Variants in PKN3 observed in about 807,000 individuals in gnomAD.
PKN3 encodes the protein protein kinase N3.
PKN3 carries 91 observed loss-of-function variants against 113.1 expected under a neutral mutation model. That is an observed-to-expected ratio of 0.80 (90% CI 0.68 to 0.96). The LOEUF (loss-of-function observed/expected upper bound fraction) is 0.96, where lower values mean the gene tolerates loss of function less well. Among genes scored for constraint, PKN3 ranks in the 40% least tolerant of loss-of-function variants. The probability of loss-of-function intolerance (pLI) is 0.00; values close to 1 mark genes in which losing one functional copy is unlikely to be tolerated. For synonymous variants in PKN3, 467 were observed against 499.0 expected, an observed-to-expected ratio of 0.94 and a Z score of 0.85; for missense variants, 1,052 against 1,202.2, an observed-to-expected ratio of 0.88 and a Z score of 1.85.
At chr9:128,714,700 G>C (rs778274082) in intron 12 of PKN3, 36 bp downstream of exon 12, 2 of 1,350,212 alleles carry the variant, frequency 1.5e-6, no homozygotes, top group Non-Finnish European at 1.1e-6. Flanking sequence ...TCCTAGGGCC[G>C]GCTGGGGCTG....
Position 128,718,203 on chromosome 9 carries a change from A to G in PKN3, c.1986-122A>G, listed in dbSNP as rs1305066061. ...TCAGCATGATGCTTGTCCCAGTCTC[A>G]CTCATCTCTGACTCTGGCCGGGACA... On this transcript the variant is annotated intron_variant, in intron 16 of 21. Transcript: ENST00000291906. 10 of 766,308 alleles carry G rather than the reference A, an allele frequency of 1.3e-5. No homozygotes were observed. In the East Asian group the frequency reaches 1.5e-4, roughly 11 times the overall value. 47.5% of individuals were successfully genotyped at this position (766,308 alleles called of 1,614,324 possible). A position where few individuals can be genotyped will look rare whatever the true frequency, so the allele number is the denominator to read the frequency against.
At position 128,709,277 on chromosome 9, in the gene PKN3, C is replaced by A. The variant is rs563638117; in HGVS notation, c.835+1872C>A. On this transcript the variant is annotated intron_variant, in intron 6 of 21. Coordinates refer to ENST00000291906, the MANE Select transcript of PKN3 (RefSeq NM_013355.5). ...CTCCAGCCTGGGCCACAGCGAGACT[C>A]TGTCTCAAAAAAAAATAAAAAAATA... Among the ~76,000 whole-genome samples, 58 of 118,364 alleles carry A rather than the reference C, an allele frequency of 4.9e-4. 1 individual carries two copies. The South Asian group carries it at 0.018, about 37-fold the overall frequency. The allele number at this position is 118,364 out of a possible 152,430, so 77.7% of individuals were successfully genotyped here.
chr9:128,712,992 C>T, intron 6 of PKN3, 60 bp from the exon 7 acceptor site: 1 of 1,535,878 alleles, frequency 6.5e-7, no homozygotes, highest in Non-Finnish European at 8.8e-7. Flanking sequence ...CCCAGGACAC[C>T]TTGGTGGTAG....
intron 3 of PKN3, 123 bp downstream of exon 3, chr9:128,706,002 G>A (rs991645096): frequency 1.0e-6 from 1 of 1,004,808 alleles, no homozygotes; most frequent in Non-Finnish European, 1.4e-6. Flanking sequence ...GGAAAATACA[G>A]CCCCAAACCC....
At position 128,702,813 on chromosome 9, in the gene PKN3, C is replaced by T; in HGVS notation, c.-103C>T. ...GGCGCCCGATCCCGCGTCTCCGGCGCCGCTTCCCGGGAAGTTTCAAGTTTG... is the reference window on the plus strand; with the variant it reads ...GGCGCCCGATCCCGCGTCTCCGGCGTCGCTTCCCGGGAAGTTTCAAGTTTG... On this transcript the variant is annotated 5_prime_UTR_variant, in exon 1 of 22. Coordinates refer to ENST00000291906, the MANE Select transcript of PKN3 (RefSeq NM_013355.5). 1 of 882,252 alleles carries T rather than the reference C, an allele frequency of 1.1e-6. No individual in the cohort carries two copies. The highest frequency in any genetic ancestry group is 1.7e-6 in the Non-Finnish European group (1 of 577,806). 54.7% of individuals were successfully genotyped at this position (882,252 alleles called of 1,614,324 possible). A position where few individuals can be genotyped will look rare whatever the true frequency, so the allele number is the denominator to read the frequency against.
At position 128,715,450 on chromosome 9, in the gene PKN3, G is replaced by A. The variant is rs1443634612; in HGVS notation, c.1798G>A (p.Glu600Lys). 4 of 1,613,390 alleles carry A rather than the reference G, an allele frequency of 2.5e-6. No individual in the cohort carries two copies. Among genetic ancestry groups the A allele is most frequent in the East Asian group, 2.2e-5 (1 of 44,894 alleles). Residue 600 changes from glutamate (E) to lysine (K), a missense_variant, in exon 15 of 22, where the codon GAG (glutamate) becomes AAG (lysine). Glu to Lys is a moderately conservative substitution (Grantham distance 56). Coordinates refer to ENST00000291906, the MANE Select transcript of PKN3 (RefSeq NM_013355.5). The surrounding 1 kb of genome is among the most constrained non-coding windows in gnomAD (Gnocchi z 4.1). ...GAAGCAGGAGGTGCTCAGCCGGGAC[G>A]AGATAGAGAGGTGTGTGGGGGTGCC... is the stretch of plus-strand genomic sequence containing the variant. Reference protein sequence around the residue: ...LKKQEVLSRDEIESLYCEKRI... With the variant: ...LKKQEVLSRDKIESLYCEKRI...
chr9:128,718,935 G>A (rs975946629), intron 18 of PKN3, among the ~76,000 whole-genome samples: 2 of 130,418 alleles, frequency 1.5e-5, no homozygotes, highest in South Asian at 2.6e-4. Flanking sequence ...TTGCTGTGCC[G>A]CCCAGGATGC....
rs1861987282 is a variant in PKN3 at position 128,705,533 on chromosome 9, T to G, written c.255T>G (p.Pro85=). 1.3e-6 allele frequency: 2 copies of G among 1,555,464 alleles called. No homozygotes were observed. Among genetic ancestry groups the G allele is most frequent in the South Asian group, 2.4e-5 (2 of 84,500 alleles). ...HARILLPGPG[P]GPAEPVASGP... ...GAATCCTGCTGCCCGGCCCTGGGCC[T>G]GGCCCAGCTGGTGAGTGAGGAGCTG... Residue 85 remains proline (P), a synonymous_variant, in exon 2 of 22, where the codon CCT becomes CCG. Transcript: ENST00000291906.
At chr9:128,707,488 C>A in intron 6 of PKN3, 83 bp downstream of exon 6, 1 of 1,186,520 alleles carries the variant, frequency 8.4e-7, no homozygotes, top group Non-Finnish European at 1.2e-6. Context: ...ATGAAGAGTT[C>A]AAGAGTTCCA....
chr9:128,717,117 C>CTTTCT (rs1758875729), intron 16 of PKN3, among the ~76,000 whole-genome samples, 194 bp downstream of exon 16: 2 of 24,364 alleles, frequency 8.2e-5, no homozygotes, highest in African/African-American at 2.5e-4. Context: ...CATTAGGTTT[C>CTTTCT]TTTTTTTTTT....
intron 1 of PKN3, chr9:128,703,272 G>T (rs1861908701): frequency 1.4e-6 from 1 of 719,768 alleles, no homozygotes; most frequent in African/African-American, 1.9e-5. Context: ...CCTCGGTGGG[G>T]CTCCAAGGCC....
chr9:128,714,139 G>C lies in PKN3; in HGVS notation c.1312+18G>C, dbSNP rs1589487010. On this transcript the variant is annotated intron_variant, in intron 10 of 21. Coordinates refer to ENST00000291906, the MANE Select transcript of PKN3 (RefSeq NM_013355.5). ...ACGCAGAGGTGTGGAGGGAATGGGG[G>C]CTATGTGTGAGGGAGCAGGGCTGGG... 6.8e-6 allele frequency: 11 copies of C among 1,614,086 alleles called. No homozygotes were observed. The African/African-American group carries it at 8.0e-5, about 12-fold the overall frequency.
chr9:128,718,691 G>A, intron 18 of PKN3, 66 bp downstream of exon 18: 1 of 1,419,490 alleles, frequency 7.0e-7, no homozygotes, highest in Non-Finnish European at 1.0e-6. Flanking sequence ...ATAGGATGAT[G>A]GGCACATGGC....
rs1242919606 is a variant in PKN3, at chr9:128,706,834, T to C, written c.523+10T>C. ...GGGTCCCCGGAGCCAGGTGAGGCCT[T>C]GAGACACAGGGAGGGCGGAGCAGGG... is the stretch of plus-strand genomic sequence containing the variant. On this transcript the variant is annotated intron_variant, in intron 4 of 21. Transcript: ENST00000291906. The C allele has an allele frequency of 4.3e-6, 7 of 1,612,222 alleles. No individual in the cohort carries two copies. Among genetic ancestry groups the C allele is most frequent in the Non-Finnish European group, 5.1e-6 (6 of 1,178,736 alleles).
intron 1 of PKN3, chr9:128,703,767 T>G: frequency 1.0e-6 from 1 of 985,362 alleles, no homozygotes; most frequent in Non-Finnish European, 1.2e-6. Flanking sequence ...GCCAGTCGTT[T>G]AGGCCGCCTT....
At chr9:128,718,069 T>C (rs576111425) in intron 16 of PKN3, among the ~76,000 whole-genome samples, 26 of 150,672 alleles carry the variant, frequency 1.7e-4, no homozygotes, top group African/African-American at 6.3e-4. Flanking sequence ...GAATATCCAC[T>C]GCAGGGACCA....
chr9:128,715,177 C>T lies in PKN3; in HGVS notation c.1658C>T (p.Pro553Leu), dbSNP rs1446547043. ...TACCCTCTCTTCCTTTGCAGGAAAC[C>T]CCCTCGGCTTCAGGACTTCCGCTGC... is the stretch of plus-strand genomic sequence containing the variant. ...PSPPASPTRK[P>L]PRLQDFRCLA... Residue 553 changes from proline (P) to leucine (L), a missense_variant, in exon 14 of 22, where the codon CCC becomes CTC. This residue lies in a region of PKN3 where 719 missense variants were observed against 759.4 expected (regional missense o/e 0.95). Transcript: ENST00000291906. The surrounding 1 kb of genome is among the most constrained non-coding windows in gnomAD (Gnocchi z 4.1). The T allele has an allele frequency of 6.2e-7, 1 of 1,614,034 alleles. No individual in the cohort carries two copies. Among genetic ancestry groups the T allele is most frequent in the Non-Finnish European group, 8.5e-7 (1 of 1,179,974 alleles).
chr9:128,714,739 G>T, intron 12 of PKN3, 59 bp from the exon 13 acceptor site: 1 of 1,540,524 alleles, frequency 6.5e-7, no homozygotes. Context: ...GGGGTGGCAG[G>T]CCTGAAGGGA....
rs753247719 is a variant in PKN3, at chr9:128,718,641, T to G, written c.2125+16T>G. On this transcript the variant is annotated intron_variant, in intron 18 of 21. Coordinates refer to ENST00000291906, the MANE Select transcript of PKN3 (RefSeq NM_013355.5). ...TGCAAGGAAGGTGGGGGCCGCCCAT[T>G]GGGATCCATATCTCCAGCCTTGTTT... 3.1e-6 allele frequency: 5 copies of G among 1,612,650 alleles called. No homozygotes were observed. Among genetic ancestry groups the G allele is most frequent in the Non-Finnish European group, 4.2e-6 (5 of 1,178,800 alleles).
Sources: allele counts gnomAD v4.1 joint callset (sites outside exome capture counted in the v4.1 genomes callset), GRCh38; gene constraint gnomAD v4.1.1; regional missense constraint gnomAD v4.1.1; non-coding constraint Gnocchi (gnomAD v3.1); transcripts MANE v1.5; gene names NCBI Gene and HGNC (gene_info 2026-07-23, HGNC 2026-07-21).